CACNG7: variants seen among roughly 807,000 people sequenced by gnomAD.
CACNG7 encodes calcium voltage-gated channel auxiliary subunit gamma 7.
In CACNG7, 9 loss-of-function variants were observed where a neutral mutation model predicts 26.3. The ratio of observed to expected loss-of-function variants is 0.34; its 90% CI spans 0.21 to 0.60. The LOEUF (loss-of-function observed/expected upper bound fraction) is 0.60, where lower values mean the gene tolerates loss of function less well. Ranked by LOEUF, CACNG7 falls within the 20% of genes least tolerant of loss-of-function variation. The pLI, the probability that CACNG7 is intolerant of heterozygous loss-of-function variation, is 0.81. For missense variants in CACNG7, 297 were observed against 380.4 expected, an observed-to-expected ratio of 0.78 and a Z score of 1.82; for synonymous variants, 170 against 157.0, an observed-to-expected ratio of 1.08 and a Z score of -0.62.
chr19:53,927,719 T>C (rs2069041564), intron 4 of CACNG7, among the ~76,000 whole-genome samples: 1 of 151,446 alleles, frequency 6.6e-6, no homozygotes, highest in Non-Finnish European at 1.5e-5. Flanking sequence ...GCGCCTGTAA[T>C]CCCAGCTACT....
chr19:53,933,353 G>A (rs1443525317), intron 4 of CACNG7, among the ~76,000 whole-genome samples: 6 of 144,756 alleles, frequency 4.1e-5, no homozygotes, highest in South Asian at 2.2e-4. Context: ...AGGCTGGAGT[G>A]CAGTGGTGCG....
At chr19:53,937,149 C>T (rs986945923) in intron 4 of CACNG7, among the ~76,000 whole-genome samples, 2 of 152,182 alleles carry the variant, frequency 1.3e-5, no homozygotes, top group East Asian at 1.9e-4. Context: ...CTCGGCCTCC[C>T]GAGGTGCGGA....
chr19:53,924,415 G>C lies in CACNG7; in HGVS notation c.424+8910G>C, dbSNP rs1461077072. Reference sequence around the variant, plus strand: ...GTCCCCAGGCCTGGTCATTGGTGGAGTTGCCCCAGGTCTGGTCATTGGTGG... The same window carrying C: ...GTCCCCAGGCCTGGTCATTGGTGGACTTGCCCCAGGTCTGGTCATTGGTGG... On this transcript the variant is annotated intron_variant, in intron 4 of 5. Transcript: ENST00000391767. Among the ~76,000 whole-genome samples, 257 of 139,826 alleles carry C rather than the reference G, an allele frequency of 1.8e-3. 2 individuals are homozygous for C. The highest frequency in any genetic ancestry group is 6.6e-3 in the African/African-American group (244 of 37,090). The allele number at this position is 139,826 out of a possible 152,430, so 91.7% of individuals were successfully genotyped here.
chr19:53,934,542 A>G (rs1012950109), intron 4 of CACNG7, among the ~76,000 whole-genome samples: 6 of 151,946 alleles, frequency 3.9e-5, no homozygotes, highest in African/African-American at 1.5e-4. Context: ...TGGGATTCCG[A>G]GGCGAGAGGA....
intron 4 of CACNG7, among the ~76,000 whole-genome samples, chr19:53,932,749 G>A (rs950539116): frequency 2.6e-5 from 4 of 151,062 alleles, no homozygotes; most frequent in Non-Finnish European, 4.4e-5. Flanking sequence ...TTTGTTATGT[G>A]GAATTCCCAC....
At chr19:53,933,954 A>G (rs1478116552) in intron 4 of CACNG7, among the ~76,000 whole-genome samples, 1 of 151,842 alleles carries the variant, frequency 6.6e-6, no homozygotes, top group Non-Finnish European at 1.5e-5. Context: ...CTGGAGTGCA[A>G]TGGCGCAATC....
chr19:53,912,763 C>A lies in CACNG7; in HGVS notation c.-29-40C>A. The A allele has an allele frequency of 1.3e-6, 2 of 1,523,648 alleles. No homozygotes were observed. The highest frequency in any genetic ancestry group is 2.2e-5 in the South Asian group (2 of 89,052). 94.4% of individuals were successfully genotyped at this position (1,523,648 alleles called of 1,614,324 possible). A position where few individuals can be genotyped will look rare whatever the true frequency, so the allele number is the denominator to read the frequency against. ...GCTGCATGGGGTCAAGCACTCTGGT[C>A]GGTCCCATGGAGCTCTGCACTGTAG... On this transcript the variant is annotated intron_variant, in intron 1 of 5. Coordinates refer to ENST00000391767, the MANE Select transcript of CACNG7 (RefSeq NM_031896.5). This position sits in a 1 kb window ranked among gnomAD's most constrained non-coding sequence, Gnocchi z 4.6.
intron 4 of CACNG7, among the ~76,000 whole-genome samples, chr19:53,924,863 C>G (rs149193109): frequency 0.11 from 11,979 of 105,256 alleles, 1,220 homozygotes; most frequent in Middle Eastern, 0.17. Context: ...CATTGGTGGA[C>G]TTGCCCCAGG....
chr19:53,938,870 C>T (rs570475601), intron 4 of CACNG7, among the ~76,000 whole-genome samples: 1 of 151,846 alleles, frequency 6.6e-6, no homozygotes, highest in African/African-American at 2.4e-5. Context: ...ATCACTTGAG[C>T]CTGGGAAGTG....
At chr19:53,915,226 TG>T in intron 3 of CACNG7, 138 bp from the exon 4 acceptor site, 1 of 640,550 alleles carries the variant, frequency 1.6e-6, no homozygotes, top group Admixed American at 2.5e-5. Context: ...GAAGAGTCAG[TG>T]GGGAAGGGGA....
intron 4 of CACNG7, among the ~76,000 whole-genome samples, chr19:53,917,379 C>T (rs909553072): frequency 1.3e-5 from 2 of 152,154 alleles, no homozygotes; most frequent in Non-Finnish European, 2.9e-5. Flanking sequence ...CCCCTGGGGC[C>T]GGCACTCAGC....
rs1023058947 is a variant in CACNG7, at chr19:53,912,852, C to T, written c.21C>T (p.Arg7=). MSHCSS[R]ALTLLSSVFG... Reference sequence around the variant, plus strand: ...TGAGGATGAGTCACTGCAGCAGCCGCGCCCTGACCCTGCTGAGCAGCGTGT... The same window carrying T: ...TGAGGATGAGTCACTGCAGCAGCCGTGCCCTGACCCTGCTGAGCAGCGTGT... Residue 7 remains arginine (R), a synonymous_variant, in exon 2 of 6, where the codon CGC becomes CGT. Transcript: ENST00000391767. This position sits in a 1 kb window ranked among gnomAD's most constrained non-coding sequence, Gnocchi z 4.6. The T allele has an allele frequency of 5.6e-6, 9 of 1,613,074 alleles. No homozygotes were observed. The highest frequency in any genetic ancestry group is 1.7e-5 in the Admixed American group (1 of 60,006).
At chr19:53,915,336 AC>A in intron 3 of CACNG7, 28 bp from the exon 4 acceptor site, 1 of 1,557,890 alleles carries the variant, frequency 6.4e-7, no homozygotes. Context: ...TTCCCCCCTC[AC>A]CCCTGTCTCT....
chr19:53,925,711 C>A (rs1164716167), intron 4 of CACNG7, among the ~76,000 whole-genome samples: 4 of 152,250 alleles, frequency 2.6e-5, no homozygotes, highest in African/African-American at 9.6e-5. Flanking sequence ...AAATGTCTCA[C>A]AGGGACCTCT....
rs758142076 is a variant in CACNG7 at position 53,920,920 on chromosome 19, T to TCTGGTCATTGGTGGACTTGCCCCAGG, written c.424+5457_424+5482dup. On this transcript the variant is annotated intron_variant, in intron 4 of 5. Transcript: ENST00000391767. Reference sequence around the variant, plus strand: ...GGTCATTGGTGGAGTTGTCCCCAGGTCTGGTCATTGGTGGACTTGCCCCAG... The same window carrying TCTGGTCATTGGTGGACTTGCCCCAGG: ...GGTCATTGGTGGAGTTGTCCCCAGGTCTGGTCATTGGTGGACTTGCCCCAGGCTGGTCATTGGTGGACTTGCCCCAG... Among the ~76,000 whole-genome samples the TCTGGTCATTGGTGGACTTGCCCCAGG allele has an allele frequency of 1.3e-3, 129 of 102,214 alleles. 7 individuals carry two copies. Among genetic ancestry groups the TCTGGTCATTGGTGGACTTGCCCCAGG allele is most frequent in the East Asian group, 1.4e-3 (5 of 3,508 alleles). 67.1% of individuals were successfully genotyped at this position (102,214 alleles called of 152,430 possible).
chr19:53,922,337 TC>T (rs1207547944), intron 4 of CACNG7, among the ~76,000 whole-genome samples: 4 of 83,544 alleles, frequency 4.8e-5, no homozygotes, highest in Non-Finnish European at 4.6e-5. Flanking sequence ...GGTGGAGTTG[TC>T]CCCAGGCCTG....
rs1378058384 is a variant in CACNG7, at chr19:53,909,463, C to G, written c.-84C>G. 2 of 151,028 alleles carry G rather than the reference C, an allele frequency of 1.3e-5. No homozygotes were observed. The highest frequency in any genetic ancestry group is 3.0e-5 in the Non-Finnish European group (2 of 67,464). 9.4% of individuals were successfully genotyped at this position (151,028 alleles called of 1,614,324 possible). On this transcript the variant is annotated 5_prime_UTR_variant, in exon 1 of 6. Coordinates refer to ENST00000391767, the MANE Select transcript of CACNG7 (RefSeq NM_031896.5). The surrounding 1 kb of genome is among the most constrained non-coding windows in gnomAD (Gnocchi z 5.1). ...CGGCGGCCGGGGGAAGCCTCGGGGC[C>G]GGTCATGCGGCTGCGGGGCCCGCGG...
chr19:53,914,273 CAA>C (rs376053657), intron 2 of CACNG7, among the ~76,000 whole-genome samples: 24,553 of 107,148 alleles, frequency 0.23, 2,426 homozygotes, highest in Middle Eastern at 0.3. Context: ...GACTCCATCT[CAA>C]AAAAAAAAAA....
Position 53,940,245 on chromosome 19 carries a change from C to G in CACNG7, c.425-1225C>G, listed in dbSNP as rs541877182. 1.3e-5 allele frequency among the ~76,000 whole-genome samples: 2 copies of G among 152,282 alleles called. No homozygotes were observed. Among genetic ancestry groups the G allele is most frequent in the South Asian group, 4.1e-4 (2 of 4,824 alleles). ...CTCCTCTGCACACTGTCCGTATGCT[C>G]TATTTCCTCAATTGTAAATGGTGTT... On this transcript the variant is annotated intron_variant, in intron 4 of 5. Coordinates refer to ENST00000391767, the MANE Select transcript of CACNG7 (RefSeq NM_031896.5). The surrounding 1 kb of genome is among the most constrained non-coding windows in gnomAD (Gnocchi z 4.1).
Sources: allele counts gnomAD v4.1 joint callset (sites outside exome capture counted in the v4.1 genomes callset), GRCh38; gene constraint gnomAD v4.1.1; non-coding constraint Gnocchi (gnomAD v3.1); transcripts MANE v1.5; gene names NCBI Gene and HGNC (gene_info 2026-07-23, HGNC 2026-07-21).